PRKCH: variants seen among roughly 807,000 people sequenced by gnomAD.
The protein encoded by PRKCH is protein kinase C eta.
Under a neutral mutation model 82.5 loss-of-function variants are expected in PRKCH, and 28 were observed. The observed-to-expected ratio is 0.34, with a 90% CI of 0.25 to 0.47. PRKCH has a LOEUF of 0.47. PRKCH is among the 20% of genes least tolerant of loss of function. The pLI is 1.00. For missense variants in PRKCH, 705 were observed against 881.8 expected, an observed-to-expected ratio of 0.80 and a Z score of 2.54; for synonymous variants, 322 against 327.4, an observed-to-expected ratio of 0.98 and a Z score of 0.18.
At chr14:61,334,326 C>T (rs77356927) in intron 1 of PRKCH, among the ~76,000 whole-genome samples, 1,700 of 152,148 alleles carry the variant, frequency 0.011, 33 homozygotes, top group African/African-American at 0.039. Flanking sequence ...AGCAGGCAAA[C>T]GCACGATGAA....
chr14:61,538,166 G>A (rs920631189), intron 12 of PRKCH, among the ~76,000 whole-genome samples: 4 of 152,214 alleles, frequency 2.6e-5, no homozygotes, highest in Admixed American at 2.6e-4. Flanking sequence ...ATTAGGGCTG[G>A]TTTTTCAAAC....
At chr14:61,200,700 A>G (rs2044474582) in intron 1 of PRKCH, among the ~76,000 whole-genome samples, 1 of 152,152 alleles carries the variant, frequency 6.6e-6, no homozygotes, top group South Asian at 2.1e-4. Context: ...ATTACATACA[A>G]TAAGATATTT....
chr14:61,290,767 G>A (rs1329467649), intron 1 of PRKCH, among the ~76,000 whole-genome samples: 1 of 152,158 alleles, frequency 6.6e-6, no homozygotes, highest in Non-Finnish European at 1.5e-5. Flanking sequence ...GCAGCAGTGA[G>A]TTACAAGATT....
intron 2 of PRKCH, among the ~76,000 whole-genome samples, chr14:61,399,581 C>T (rs373283787): frequency 1.4e-4 from 22 of 152,102 alleles, no homozygotes; most frequent in African/African-American, 2.4e-4. Flanking sequence ...CCTTTTGTTC[C>T]GTCATAAAGT....
intron 1 of PRKCH, among the ~76,000 whole-genome samples, chr14:61,245,155 A>G (rs961960483): frequency 2.6e-5 from 4 of 152,236 alleles, no homozygotes; most frequent in Admixed American, 1.3e-4. Flanking sequence ...GTTATGAATT[A>G]CAGATTGGAG....
chr14:61,425,287 T>A (rs1263895496), intron 2 of PRKCH, among the ~76,000 whole-genome samples: 1 of 152,044 alleles, frequency 6.6e-6, no homozygotes, highest in Non-Finnish European at 1.5e-5. Context: ...CCACAAGCAC[T>A]CAACACCAGC....
intron 1 of PRKCH, among the ~76,000 whole-genome samples, chr14:61,309,066 T>C (rs533681849): frequency 7.4e-6 from 1 of 134,966 alleles, no homozygotes; most frequent in African/African-American, 2.7e-5. Flanking sequence ...GGAGGATCAC[T>C]TAATATCTGG....
intron 9 of PRKCH, 73 bp from the exon 10 acceptor site, chr14:61,485,429 G>A: frequency 6.5e-7 from 1 of 1,539,304 alleles, no homozygotes; most frequent in African/African-American, 1.4e-5. Flanking sequence ...CACAGCCTTA[G>A]GCAATATGCT....
At chr14:61,200,767 G>T (rs200332023) in intron 1 of PRKCH, among the ~76,000 whole-genome samples, 53,480 of 151,778 alleles carry the variant, frequency 0.35, 10,187 homozygotes, top group African/African-American at 0.49. Context: ...ATATTGTTAA[G>T]TGTTCTATTT....
In PRKCH at chr14:61,413,691, C is replaced by T. The variant is rs149858191; in HGVS notation, c.427+22403C>T. ...ATCTGTAAACATGGCCAGGCCTCCTCCTCCTAAAAATCTCCTTGGGTACTT... is the reference window on the plus strand; with the variant it reads ...ATCTGTAAACATGGCCAGGCCTCCTTCTCCTAAAAATCTCCTTGGGTACTT... On this transcript the variant is annotated intron_variant, in intron 2 of 13. Transcript: ENST00000332981. Among the ~76,000 whole-genome samples, 175 of 152,184 alleles carry T rather than the reference C, an allele frequency of 1.1e-3. 1 individual carries two copies. Among genetic ancestry groups the T allele is most frequent in the Non-Finnish European group, 2.4e-3 (161 of 68,012 alleles).
chr14:61,445,647 A>G (rs774933920), intron 3 of PRKCH, 45 bp from the exon 4 acceptor site: 67 of 1,550,578 alleles, frequency 4.3e-5, no homozygotes, highest in Middle Eastern at 3.3e-4. Flanking sequence ...TAAGAGGGTT[A>G]TTGCTGAAAT....
chr14:61,509,677 G>C (rs1887293164), intron 10 of PRKCH, among the ~76,000 whole-genome samples: 1 of 152,056 alleles, frequency 6.6e-6, no homozygotes, highest in South Asian at 2.1e-4. Context: ...TTGAGGTCAG[G>C]AGTTCGAAAC....
intron 1 of PRKCH, chr14:61,322,785 C>A: frequency 3.3e-6 from 1 of 299,816 alleles, no homozygotes. Flanking sequence ...ACTTTCAGCA[C>A]GAGAGTGATA....
intron 3 of PRKCH, among the ~76,000 whole-genome samples, chr14:61,444,898 T>C (rs868732953): frequency 6.6e-6 from 1 of 152,264 alleles, no homozygotes; most frequent in Non-Finnish European, 1.5e-5. Context: ...GGAACGGTTA[T>C]CATTAGTCCC....
At position 61,468,895 on chromosome 14, in the gene PRKCH, G is replaced by A. The variant is rs1885378875; in HGVS notation, c.1278+11216G>A. 2.0e-5 allele frequency among the ~76,000 whole-genome samples: 3 copies of A among 152,254 alleles called. No homozygotes were observed. In the South Asian group the frequency reaches 6.2e-4, roughly 32 times the overall value. On this transcript the variant is annotated intron_variant, in intron 9 of 13. Transcript: ENST00000332981. ...TTTGGGGTGATGATTGCTTGGTTAT[G>A]GTTTTCCTGGACCCAACTTGGAACC...
intron 1 of PRKCH, among the ~76,000 whole-genome samples, chr14:61,204,456 A>G (rs2044506577): frequency 6.6e-6 from 1 of 152,142 alleles, no homozygotes; most frequent in Non-Finnish European, 1.5e-5. Context: ...TGTATAAGGG[A>G]TAGAAAATGG....
chr14:61,427,599 G>A (rs1443261118), intron 2 of PRKCH, among the ~76,000 whole-genome samples: 1 of 151,930 alleles, frequency 6.6e-6, no homozygotes, highest in East Asian at 1.9e-4. Context: ...TTGTTTGTTT[G>A]TTTTTGAGAC....
intron 2 of PRKCH, among the ~76,000 whole-genome samples, chr14:61,393,330 G>T (rs1214692760): frequency 1.3e-5 from 2 of 152,172 alleles, no homozygotes; most frequent in African/African-American, 4.8e-5. Flanking sequence ...AATTGAAATT[G>T]TGTTGGATCT....
intron 1 of PRKCH, among the ~76,000 whole-genome samples, chr14:61,203,490 ATTTGTGAGGC>A: frequency 6.6e-6 from 1 of 152,138 alleles, no homozygotes; most frequent in South Asian, 2.1e-4. Flanking sequence ...ATTTGTGAGG[ATTTGTGAGGC>A]ACTCAAAAAT....
Sources: gnomAD v4.1 joint callset for allele counts (sites outside exome capture counted in the v4.1 genomes callset) on GRCh38, gnomAD v4.1.1 for gene constraint, MANE v1.5 for transcripts, NCBI Gene and HGNC (gene_info 2026-07-23, HGNC 2026-07-21) for gene names.